Variants in KCNA7 observed in about 807,000 individuals in gnomAD.
KCNA7 encodes the protein potassium voltage-gated channel subfamily A member 7.
KCNA7 carries 15 observed loss-of-function variants against 21.5 expected under a neutral mutation model. The observed-to-expected ratio is 0.70, with a 90% CI of 0.47 to 1.07. KCNA7 has a LOEUF of 1.07. Among genes scored for constraint, KCNA7 ranks in the 50% least tolerant of loss-of-function variants. KCNA7 has a pLI of 0.00. For missense variants in KCNA7, 640 were observed against 651.6 expected, an observed-to-expected ratio of 0.98 and a Z score of 0.19; for synonymous variants, 298 against 291.0, an observed-to-expected ratio of 1.02 and a Z score of -0.24.
Position 49,070,780 on chromosome 19 carries a change from A to G in KCNA7, c.654T>C (p.Cys218=). The change falls in exon 2 of 2, where the codon TGT becomes TGC. Residue 218 remains cysteine (C), a synonymous_variant. Transcript: ENST00000221444. This position sits in a 1 kb window ranked among gnomAD's most constrained non-coding sequence, Gnocchi z 4.3. The stretch of plus-strand genomic sequence containing the variant: ...GTACCAGCAGCTCAAAGGAGAACCA[A>G]CAAATACACAGCGTCTCCACCACGA... ...PFFVVETLCI[C]WFSFELLVRL... is the part of the protein sequence containing the mutation. 6.2e-7 allele frequency: 1 copy of G among 1,614,218 alleles called. No homozygotes were observed. The highest frequency in any genetic ancestry group is 8.5e-7 in the Non-Finnish European group (1 of 1,180,040).
intron 1 of KCNA7, among the ~76,000 whole-genome samples, chr19:49,071,446 C>T (rs2040256793): frequency 6.6e-6 from 1 of 152,044 alleles, no homozygotes; most frequent in Non-Finnish European, 1.5e-5. Flanking sequence ...ATCCCAGCTA[C>T]TTGGGAGGCT....
rs2040240954 is a variant in KCNA7 at position 49,069,450 on chromosome 19, T to C, written c.*613A>G. ...CATACAAACTTAACCCAATGTGACC[T>C]AGAAAGCTCAAATTCTACCACTGGA... On this transcript the variant is annotated 3_prime_UTR_variant, in exon 2 of 2. Transcript: ENST00000221444. 6.5e-6 allele frequency: 1 copy of C among 152,794 alleles called. No individual in the cohort carries two copies. The highest frequency in any genetic ancestry group is 2.1e-4 in the South Asian group (1 of 4,838). The allele number at this position is 152,794 out of a possible 1,614,324, so 9.5% of individuals were successfully genotyped here.
In KCNA7 at chr19:49,070,215, CCT is replaced by C; in HGVS notation, c.1217_1218del (p.Glu406GlyfsTer33). 1 of 1,614,216 alleles carries C rather than the reference CCT, an allele frequency of 6.2e-7. No homozygotes were observed. The highest frequency in any genetic ancestry group is 8.5e-7 in the Non-Finnish European group (1 of 1,180,046). On this transcript the variant is annotated frameshift_variant, in exon 2 of 2. Coordinates refer to ENST00000221444, the MANE Select transcript of KCNA7 (RefSeq NM_031886.3). LOFTEE classifies it low-confidence loss of function (END_TRUNC). This position sits in a 1 kb window ranked among gnomAD's most constrained non-coding sequence, Gnocchi z 4.3. ...NFSYFYHRET[E>X]GEEAGMFSHV... ...TGGCTGAACATCCCAGCCTCTTCGC[CCT>C]CTGTCTCCCGGTGATAAAAGTAGCT...
chr19:49,070,083 G>T lies in KCNA7; in HGVS notation c.1351C>A (p.His451Asn), dbSNP rs750029780. ...PPPLWAPPGKHLVTEV is the reference protein window; with the variant it reads ...PPPLWAPPGKNLVTEV ...GTTCCTCACACTTCGGTGACCAGGT[G>T]TTTCCCTGGGGGTGCCCAGAGTGGA... The change falls in exon 2 of 2, where the codon CAC (histidine) becomes AAC (asparagine). Residue 451 changes from histidine to asparagine, a missense_variant. Transcript: ENST00000221444. The surrounding 1 kb of genome is among the most constrained non-coding windows in gnomAD (Gnocchi z 4.3). 1 of 1,607,688 alleles carries T rather than the reference G, an allele frequency of 6.2e-7. No homozygotes were observed. The highest frequency in any genetic ancestry group is 2.2e-5 in the East Asian group (1 of 44,690).
chr19:49,070,026 T>G lies in KCNA7; in HGVS notation c.*37A>C. On this transcript the variant is annotated 3_prime_UTR_variant, in exon 2 of 2. Transcript: ENST00000221444. This position sits in a 1 kb window ranked among gnomAD's most constrained non-coding sequence, Gnocchi z 4.3. ...CCACCCTGCCCTCCCTCCCTCCCTC[T>G]AGGGAGGTGTGAGGTCCTGCAGACC... 7 of 1,230,296 alleles carry G rather than the reference T, an allele frequency of 5.7e-6. No homozygotes were observed. Among genetic ancestry groups the G allele is most frequent in the Non-Finnish European group, 6.9e-6 (6 of 874,920 alleles). 76.2% of individuals were successfully genotyped at this position (1,230,296 alleles called of 1,614,324 possible). A position where few individuals can be genotyped will look rare whatever the true frequency, so the allele number is the denominator to read the frequency against.
Position 49,072,146 on chromosome 19 carries a change from A to G in KCNA7, c.440T>C (p.Val147Ala). ...ESSQAARVLA[V>A]VSVLVILVSI... ...GACGAGGATGACCAGCACGGAGACT[A>G]CGGCGAGCACGCGCGCGGCCTGAGA... The change falls in exon 1 of 2, where the codon GTA becomes GCA. Residue 147 changes from valine (V) to alanine (A), a missense_variant. Physicochemically the swap from Val to Ala is moderately conservative, Grantham distance 64. Coordinates refer to ENST00000221444, the MANE Select transcript of KCNA7 (RefSeq NM_031886.3). 1 of 1,612,258 alleles carries G rather than the reference A, an allele frequency of 6.2e-7. No individual in the cohort carries two copies. The highest frequency in any genetic ancestry group is 1.1e-5 in the South Asian group (1 of 91,080).
rs1568412045 is a variant in KCNA7, at chr19:49,070,672, A to G, written c.762T>C (p.Phe254=). 6.2e-7 allele frequency: 1 copy of G among 1,614,174 alleles called. No individual in the cohort carries two copies. The highest frequency in any genetic ancestry group is 8.5e-7 in the Non-Finnish European group (1 of 1,180,032). The change falls in exon 2 of 2, where the codon TTT becomes TTC. Residue 254 remains phenylalanine, a synonymous_variant. Transcript: ENST00000221444. This position sits in a 1 kb window ranked among gnomAD's most constrained non-coding sequence, Gnocchi z 4.3. The part of the protein sequence containing the change: ...LIDFVAILPY[F]VALGTELARQ... ...GGGCCAGCTCGGTGCCCAGTGCCACAAAGTAGGGAAGGATAGCCACAAAAT... is the reference window on the plus strand; with the variant it reads ...GGGCCAGCTCGGTGCCCAGTGCCACGAAGTAGGGAAGGATAGCCACAAAAT...
At chr19:49,071,355 A>C (rs1200120670) in intron 1 of KCNA7, among the ~76,000 whole-genome samples, 1 of 152,088 alleles carries the variant, frequency 6.6e-6, no homozygotes, top group African/African-American at 2.4e-5. Flanking sequence ...CAGGAAATAG[A>C]GACCATCCTG....
chr19:49,071,952 A>T (rs1660118891), intron 1 of KCNA7, 79 bp downstream of exon 1: 2 of 1,226,014 alleles, frequency 1.6e-6, no homozygotes, highest in Non-Finnish European at 2.1e-6. Flanking sequence ...GCCCCGCCTT[A>T]TGATTGGCCA....
In KCNA7 at chr19:49,068,621, C is replaced by T. The variant is rs1019676345; in HGVS notation, c.*1442G>A. 6.6e-6 allele frequency: 1 copy of T among 152,400 alleles called. No homozygotes were observed. Among genetic ancestry groups the T allele is most frequent in the Admixed American group, 6.5e-5 (1 of 15,282 alleles). 9.4% of individuals were successfully genotyped at this position (152,400 alleles called of 1,614,324 possible). ...GGCCACTTCGCCCGGCTTCTATCCCCTGCTCTTGGTCTCTGTCTCCCCACT... is the reference window on the plus strand; with the variant it reads ...GGCCACTTCGCCCGGCTTCTATCCCTTGCTCTTGGTCTCTGTCTCCCCACT... On this transcript the variant is annotated 3_prime_UTR_variant, in exon 2 of 2. Transcript: ENST00000221444.
In KCNA7 at chr19:49,072,055, A is replaced by C. The variant is rs577674481; in HGVS notation, c.531T>G (p.Leu177=). The C allele has an allele frequency of 4.8e-5, 77 of 1,607,180 alleles. No homozygotes were observed. The East Asian group carries it at 1.7e-3, about 35-fold the overall frequency. ...DFRDDRDGTG[L]AAAAAAGPFP... is the part of the protein sequence containing the mutation. Reference sequence around the variant, plus strand: ...CCGGGCCGGCTGCGGCTGCAGCAGCAAGCCCCGTGCCGTCGCGGTCGTCGC... The same window carrying C: ...CCGGGCCGGCTGCGGCTGCAGCAGCCAGCCCCGTGCCGTCGCGGTCGTCGC... The change falls in exon 1 of 2, where the codon CTT becomes CTG. Residue 177 remains leucine (L), a synonymous_variant. Transcript: ENST00000221444.
Position 49,070,480 on chromosome 19 carries a change from GA to G in KCNA7, c.953del (p.Phe318SerfsTer36). On this transcript the variant is annotated frameshift_variant, in exon 2 of 2. Coordinates refer to ENST00000221444, the MANE Select transcript of KCNA7 (RefSeq NM_031886.3). LOFTEE classifies it high-confidence loss of function. The surrounding 1 kb of genome is among the most constrained non-coding windows in gnomAD (Gnocchi z 4.3). ...AAAAGAGGACCACACCGATGAAGAGGAAAAAGATGAGGAGGCCCAGCTCACG... is the reference window on the plus strand; with the variant it reads ...AAAAGAGGACCACACCGATGAAGAGGAAAAGATGAGGAGGCCCAGCTCACG... ...SMRELGLLIF[F>X]LFIGVVLFSS... is the part of the protein sequence containing the mutation. 6.2e-7 allele frequency: 1 copy of G among 1,614,126 alleles called. No individual in the cohort carries two copies. The highest frequency in any genetic ancestry group is 8.5e-7 in the Non-Finnish European group (1 of 1,180,008).
In KCNA7 at chr19:49,069,397, C is replaced by A. The variant is rs1476524532; in HGVS notation, c.*666G>T. 9.8e-5 allele frequency: 15 copies of A among 152,546 alleles called. No homozygotes were observed. Among genetic ancestry groups the A allele is most frequent in the Admixed American group, 9.2e-4 (14 of 15,284 alleles). 9.4% of individuals were successfully genotyped at this position (152,546 alleles called of 1,614,324 possible). On this transcript the variant is annotated 3_prime_UTR_variant, in exon 2 of 2. Transcript: ENST00000221444. ...CCACACACCTCTACACAGTTAAGCC[C>A]AACAGAACCCTACAAGATTCATTTG...
chr19:49,070,186 C>A lies in KCNA7; in HGVS notation c.1248G>T (p.Val416=), dbSNP rs1568411846. 6.2e-7 allele frequency: 1 copy of A among 1,614,204 alleles called. No homozygotes were observed. The highest frequency in any genetic ancestry group is 8.5e-7 in the Non-Finnish European group (1 of 1,180,038). Residue 416 remains valine (V), a synonymous_variant, in exon 2 of 2, where the codon GTG becomes GTT. Coordinates refer to ENST00000221444, the MANE Select transcript of KCNA7 (RefSeq NM_031886.3). The surrounding 1 kb of genome is among the most constrained non-coding windows in gnomAD (Gnocchi z 4.3). ...EGEEAGMFSH[V]DMQPCGPLEG... ...CCAGTGGGCCACAAGGCTGCATGTC[C>A]ACATGGCTGAACATCCCAGCCTCTT...
rs937629142 is a variant in KCNA7, at chr19:49,072,210, C to A, written c.376G>T (p.Ala126Ser). The change falls in exon 1 of 2, where the codon GCC becomes TCC. Residue 126 changes from alanine (A) to serine (S), a missense_variant. Coordinates refer to ENST00000221444, the MANE Select transcript of KCNA7 (RefSeq NM_031886.3). ...TCGAAAAGCAGCCACAGCTGGCGGG[C>A]GAAGGCGCGGCGGGGCAGGGGGCGC... The part of the protein sequence containing the change: ...PERPLPRRAF[A>S]RQLWLLFEFP... The A allele has an allele frequency of 6.2e-7, 1 of 1,609,926 alleles. No individual in the cohort carries two copies. Among genetic ancestry groups the A allele is most frequent in the Non-Finnish European group, 8.5e-7 (1 of 1,178,708 alleles).
rs568262365 is a variant in KCNA7, at chr19:49,069,979, C to T, written c.*84G>A. The T allele has an allele frequency of 1.0e-5, 11 of 1,079,178 alleles. No individual in the cohort carries two copies. The highest frequency in any genetic ancestry group is 9.0e-5 in the South Asian group (6 of 66,796). 66.9% of individuals were successfully genotyped at this position (1,079,178 alleles called of 1,614,324 possible). On this transcript the variant is annotated 3_prime_UTR_variant, in exon 2 of 2. Coordinates refer to ENST00000221444, the MANE Select transcript of KCNA7 (RefSeq NM_031886.3). ...TAACCTAGCTCTTCCTAAACCCAAT[C>T]CCCTCCCCCCAGCCTTGCCCTCCAC...
rs932823775 is a variant in KCNA7 at position 49,067,652 on chromosome 19, G to A, written c.*2411C>T. The stretch of plus-strand genomic sequence containing the variant: ...TCCCAGCAGGCTGATGGGGACATGT[G>A]AAGCAGACAGACAGCCTGCCTGGCC... On this transcript the variant is annotated 3_prime_UTR_variant, in exon 2 of 2. Transcript: ENST00000221444. The A allele has an allele frequency of 6.6e-6, 1 of 152,306 alleles. No homozygotes were observed. The highest frequency in any genetic ancestry group is 1.9e-4 in the East Asian group (1 of 5,182). The allele number at this position is 152,306 out of a possible 1,614,324, so 9.4% of individuals were successfully genotyped here.
chr19:49,071,342 G>C (rs923052093), intron 1 of KCNA7, among the ~76,000 whole-genome samples: 1 of 152,012 alleles, frequency 6.6e-6, no homozygotes, highest in African/African-American at 2.4e-5. Flanking sequence ...CGGATCACGA[G>C]GTCAGGAAAT....
Position 49,070,648 on chromosome 19 carries a change from G to T in KCNA7, c.786C>A (p.Ala262=). ...PYFVALGTEL[A]RQRGVGQQAM... ...CCTGCTGGCCCACCCCTCGCTGCCG[G>T]GCCAGCTCGGTGCCCAGTGCCACAA... Residue 262 remains alanine (A), a synonymous_variant, in exon 2 of 2, where the codon GCC becomes GCA. Coordinates refer to ENST00000221444, the MANE Select transcript of KCNA7 (RefSeq NM_031886.3). The surrounding 1 kb of genome is among the most constrained non-coding windows in gnomAD (Gnocchi z 4.3). 1 of 1,614,118 alleles carries T rather than the reference G, an allele frequency of 6.2e-7. No homozygotes were observed. Among genetic ancestry groups the T allele is most frequent in the Non-Finnish European group, 8.5e-7 (1 of 1,180,014 alleles).
Sources: gnomAD v4.1 joint callset for allele counts (sites outside exome capture counted in the v4.1 genomes callset) on GRCh38, gnomAD v4.1.1 for gene constraint, Gnocchi (gnomAD v3.1) non-coding constraint, MANE v1.5 for transcripts, NCBI Gene and HGNC (gene_info 2026-07-23, HGNC 2026-07-21) for gene names.